Variants in CTNNA3 observed in about 807,000 individuals in gnomAD.
The protein encoded by CTNNA3 is catenin alpha 3, also known as catenin alpha-3.
CTNNA3 carries 76 observed loss-of-function variants against 95.7 expected under a neutral mutation model. The ratio of observed to expected loss-of-function variants is 0.79; its 90% confidence interval spans 0.66 to 0.96. The LOEUF (loss-of-function observed/expected upper bound fraction) is 0.96, where lower values mean the gene tolerates loss of function less well. Among genes scored for constraint, CTNNA3 ranks in the 40% least tolerant of loss-of-function variants. The pLI, the probability that CTNNA3 is intolerant of heterozygous loss-of-function variation, is 0.00. For synonymous variants in CTNNA3, 431 were observed against 374.4 expected (o/e 1.15, Z -1.74); for missense variants, 1,191 against 1,089.8 (o/e 1.09, Z -1.31).
At chr10:67,632,170 G>C (rs998145033) in intron 2 of CTNNA3, among the ~76,000 whole-genome samples, 2 of 113,282 alleles carry the variant, frequency 1.8e-5, no homozygotes, top group African/African-American at 8.1e-5. Flanking sequence ...ACACACAGTG[G>C]TAACTATGGG....
At chr10:67,033,391 C>T (rs926075768) in intron 7 of CTNNA3, among the ~76,000 whole-genome samples, 1 of 152,156 alleles carries the variant, frequency 6.6e-6, no homozygotes, top group Non-Finnish European at 1.5e-5. Context: ...TCTCTCCCAT[C>T]AATTTTTGAG....
intron 5 of CTNNA3, among the ~76,000 whole-genome samples, chr10:67,233,179 A>G (rs1416226612): frequency 2.0e-5 from 3 of 152,108 alleles, no homozygotes; most frequent in African/African-American, 7.2e-5. Context: ...CATCTACAGA[A>G]CTCTCCACCC....
At chr10:67,487,489 C>T (rs990240038) in intron 5 of CTNNA3, among the ~76,000 whole-genome samples, 4 of 152,128 alleles carry the variant, frequency 2.6e-5, no homozygotes, top group Admixed American at 2.0e-4. Context: ...AAGGGGGTTC[C>T]CTACACCTAA....
At chr10:66,936,808 C>G (rs1429658435) in intron 7 of CTNNA3, among the ~76,000 whole-genome samples, 3 of 152,160 alleles carry the variant, frequency 2.0e-5, no homozygotes, top group Non-Finnish European at 4.4e-5. Context: ...TATCAAATAT[C>G]TGCTCCCAGA....
intron 5 of CTNNA3, among the ~76,000 whole-genome samples, chr10:67,388,653 C>A (rs1253590219): frequency 6.6e-6 from 1 of 150,386 alleles, no homozygotes; most frequent in African/African-American, 2.4e-5. Context: ...TTAAGGGCAG[C>A]CAGAGAGAAA....
In CTNNA3 at chr10:67,219,671, T is replaced by C. The variant is rs190073606; in HGVS notation, c.779A>G (p.Gln260Arg). ...AGGTTCTGGTGGGGTTGTCATATTCTGGATCCCTTGTGAAGCATTTGAAAT... is the reference window on the plus strand; with the variant it reads ...AGGTTCTGGTGGGGTTGTCATATTCCGGATCCCTTGTGAAGCATTTGAAAT... Reference protein sequence around the residue: ...NVISNASQGIQNMTTPPEPQA... With the variant: ...NVISNASQGIRNMTTPPEPQA... Residue 260 changes from glutamine (Q) to arginine (R), a missense_variant, in exon 6 of 18, where the codon CAG (glutamine) becomes CGG (arginine). Gln to Arg is a conservative substitution (Grantham distance 43). Transcript: ENST00000433211. 1.7e-4 allele frequency: 278 copies of C among 1,614,192 alleles called. 1 individual carries two copies. The East Asian group carries it at 4.7e-3, about 28-fold the overall frequency.
At chr10:67,076,856 A>C (rs1856774442) in intron 7 of CTNNA3, among the ~76,000 whole-genome samples, 1 of 152,280 alleles carries the variant, frequency 6.6e-6, no homozygotes, top group South Asian at 2.1e-4. Context: ...TTTCATACTA[A>C]TTCCTCTGGC....
rs140570811 is a variant in CTNNA3, at chr10:67,409,822, G to C, written c.579+112020C>G. On this transcript the variant is annotated intron_variant, in intron 5 of 17. Transcript: ENST00000433211. ...CACAATGAGATACCATCTCACACCA[G>C]TCAGAATGGCTACTGTTAAAAAGTC... 1.7e-3 allele frequency among the ~76,000 whole-genome samples: 261 copies of C among 152,208 alleles called. 2 individuals carry two copies. Among genetic ancestry groups the C allele is most frequent in the African/African-American group, 6.0e-3 (249 of 41,546 alleles).
At chr10:66,291,862 ATG>A (rs1229677475) in intron 12 of CTNNA3, among the ~76,000 whole-genome samples, 3 of 151,438 alleles carry the variant, frequency 2.0e-5, no homozygotes, top group Non-Finnish European at 4.4e-5. Flanking sequence ...ATGCATATAT[ATG>A]TGTGTCTATA....
intron 5 of CTNNA3, among the ~76,000 whole-genome samples, chr10:67,291,601 C>T (rs1392014293): frequency 6.6e-6 from 1 of 152,188 alleles, no homozygotes; most frequent in Non-Finnish European, 1.5e-5. Context: ...GTTATCTCCT[C>T]ACACAATACT....
At chr10:67,700,792 T>A (rs374197565), upstream of CTNNA3, among the ~76,000 whole-genome samples, 17 of 151,814 alleles carry the variant, frequency 1.1e-4, no homozygotes, top group African/African-American at 4.1e-4. Context: ...CTTTGACGAG[T>A]TGAGAGAAGA....
chr10:67,014,363 T>G (rs1054623485), intron 7 of CTNNA3, among the ~76,000 whole-genome samples: 1 of 152,204 alleles, frequency 6.6e-6, no homozygotes, highest in Admixed American at 6.5e-5. Context: ...CAGCTTTAAT[T>G]AACTACTGTA....
At chr10:67,282,772 A>G (rs978782258) in intron 5 of CTNNA3, among the ~76,000 whole-genome samples, 3 of 152,154 alleles carry the variant, frequency 2.0e-5, no homozygotes, top group African/African-American at 7.2e-5. Flanking sequence ...GGGCTCAGAA[A>G]ACAATGCCTC....
At chr10:67,603,418 T>C (rs1253287182) in intron 3 of CTNNA3, among the ~76,000 whole-genome samples, 1 of 152,160 alleles carries the variant, frequency 6.6e-6, no homozygotes, top group Admixed American at 6.6e-5. Flanking sequence ...TTGGTAACAC[T>C]TCCAGAAGAA....
At chr10:66,971,685 G>A (rs1400762538) in intron 7 of CTNNA3, among the ~76,000 whole-genome samples, 2 of 152,092 alleles carry the variant, frequency 1.3e-5, no homozygotes, top group Non-Finnish European at 2.9e-5. Flanking sequence ...GTAAGAACAG[G>A]TAAGGGTATA....
intron 5 of CTNNA3, among the ~76,000 whole-genome samples, chr10:67,245,429 A>T (rs966029090): frequency 6.6e-6 from 1 of 152,212 alleles, no homozygotes; most frequent in African/African-American, 2.4e-5. Context: ...CGTAAGCTCC[A>T]TGAAGGTACA....
At chr10:66,594,697 T>C (rs1589466456) in intron 10 of CTNNA3, among the ~76,000 whole-genome samples, 1 of 152,268 alleles carries the variant, frequency 6.6e-6, no homozygotes, top group Non-Finnish European at 1.5e-5. Context: ...ACAGTCCTTT[T>C]CTATTTCATA....
chr10:65,995,561 C>A (rs1452153884), intron 15 of CTNNA3, among the ~76,000 whole-genome samples: 1 of 152,078 alleles, frequency 6.6e-6, no homozygotes, highest in Admixed American at 6.5e-5. Context: ...TGTCTTTGGG[C>A]CCACAGGCAG....
At chr10:66,308,740 A>T (rs1005911902) in intron 12 of CTNNA3, among the ~76,000 whole-genome samples, 16 of 152,182 alleles carry the variant, frequency 1.1e-4, no homozygotes, top group African/African-American at 3.9e-4. Context: ...CAGTGAAGAC[A>T]ATTTTCTTGG....
Sources: gnomAD v4.1 joint callset for allele counts (sites outside exome capture counted in the v4.1 genomes callset) on GRCh38, gnomAD v4.1.1 for gene constraint, MANE v1.5 for transcripts, NCBI Gene and HGNC (gene_info 2026-07-23, HGNC 2026-07-21) for gene names.